WDR73: variants seen among roughly 807,000 people sequenced by gnomAD.
WDR73 encodes WD repeat domain 73, also known as integrator complex assembly factor WDR73.
In WDR73, 30 loss-of-function variants were observed where a neutral mutation model predicts 38.2. The ratio of observed to expected loss-of-function variants is 0.79; its 90% CI spans 0.59 to 1.06. The LOEUF (loss-of-function observed/expected upper bound fraction) is 1.06. Among genes scored for constraint, WDR73 ranks in the 50% least tolerant of loss-of-function variants. The probability of loss-of-function intolerance (pLI) is 0.00; values close to 1 mark genes in which losing one functional copy is unlikely to be tolerated. For synonymous variants in WDR73, 197 were observed against 176.0 expected (o/e 1.12, Z -0.94); for missense variants, 487 against 467.0 (o/e 1.04, Z -0.40).
Position 84,643,273 on chromosome 15 carries a change from C to CGCAA in WDR73, c.*193_*196dup. 3.2e-6 allele frequency: 2 copies of CGCAA among 631,938 alleles called. No individual in the cohort carries two copies. The highest frequency in any genetic ancestry group is 5.4e-6 in the Non-Finnish European group (2 of 370,690). The allele number at this position is 631,938 out of a possible 1,614,324, so 39.1% of individuals were successfully genotyped here. A position where few individuals can be genotyped will look rare whatever the true frequency, so the allele number is the denominator to read the frequency against. On this transcript the variant is annotated 3_prime_UTR_variant, in exon 8 of 8. Coordinates refer to ENST00000434634, the MANE Select transcript of WDR73 (RefSeq NM_032856.5). ...TATGCCATGCGTTTCTTCTAACCTT[C>CGCAA]GCAATATCACTACGAGGTAGTTCTT...
Position 84,643,023 on chromosome 15 carries a change from G to T in WDR73, c.*447C>A, listed in dbSNP as rs1380278345. 1 of 172,142 alleles carries T rather than the reference G, an allele frequency of 5.8e-6. No homozygotes were observed. Among genetic ancestry groups the T allele is most frequent in the East Asian group, 1.7e-4 (1 of 5,810 alleles). The allele number at this position is 172,142 out of a possible 1,614,324, so 10.7% of individuals were successfully genotyped here. On this transcript the variant is annotated 3_prime_UTR_variant, in exon 8 of 8. Coordinates refer to ENST00000434634, the MANE Select transcript of WDR73 (RefSeq NM_032856.5). ...GGAAAGTGCACCTGTGTTCCCATGAGACCCACTCAAGAGGAGCAGAAATCC... is the reference window on the plus strand; with the variant it reads ...GGAAAGTGCACCTGTGTTCCCATGATACCCACTCAAGAGGAGCAGAAATCC...
intron 3 of WDR73, among the ~76,000 whole-genome samples, chr15:84,651,315 A>G (rs1896616928): frequency 6.7e-6 from 1 of 150,244 alleles, no homozygotes; most frequent in Non-Finnish European, 1.5e-5. Flanking sequence ...AGTCCCAGCT[A>G]CTTGGGAGGC....
rs191354185 is a variant in WDR73, at chr15:84,640,208, G to T, written c.*3262C>A. On this transcript the variant is annotated 3_prime_UTR_variant, in exon 8 of 8. Coordinates refer to ENST00000434634, the MANE Select transcript of WDR73 (RefSeq NM_032856.5). ...CAATGGACCTCAGAGCAGTGGGAGC[G>T]ACGCAGTCCTGTGGGAAGCATTCAG... 4 of 152,306 alleles carry T rather than the reference G, an allele frequency of 2.6e-5. No homozygotes were observed. In the East Asian group the frequency reaches 7.7e-4, roughly 29 times the overall value. 9.4% of individuals were successfully genotyped at this position (152,306 alleles called of 1,614,324 possible).
At position 84,654,251 on chromosome 15, in the gene WDR73, C is replaced by A. The variant is rs780699604; in HGVS notation, c.24G>T (p.Leu8=). Residue 8 remains leucine, a synonymous_variant, in exon 1 of 8, where the codon CTG becomes CTT. Transcript: ENST00000434634. MDPGDDW[L]VESLRLYQDF... is the part of the protein sequence containing the mutation. ...CGATTTACAAGCGCAAGGATTCCAC[C>A]AGCCAGTCGTCCCCAGGATCCATGG... 1.9e-6 allele frequency: 3 copies of A among 1,613,962 alleles called. No individual in the cohort carries two copies. The highest frequency in any genetic ancestry group is 2.2e-5 in the South Asian group (2 of 91,088).
chr15:84,647,834 G>C (rs1020071678), intron 5 of WDR73, 56 bp downstream of exon 5: 3 of 1,529,364 alleles, frequency 2.0e-6, no homozygotes, highest in African/African-American at 1.4e-5. Context: ...GGGGACAGGG[G>C]TGTATGAGTC....
At chr15:84,646,092 CAG>C (rs769968705) in intron 6 of WDR73, 90 bp downstream of exon 6, 13 of 1,585,976 alleles carry the variant, frequency 8.2e-6, no homozygotes, top group East Asian at 2.3e-5. Context: ...ACACCTGGCA[CAG>C]AGAGTTGAAC....
In WDR73 at chr15:84,645,725, G is replaced by A. The variant is rs1383448241; in HGVS notation, c.629C>T (p.Ala210Val). 1 of 1,610,180 alleles carries A rather than the reference G, an allele frequency of 6.2e-7. No individual in the cohort carries two copies. Residue 210 changes from alanine to valine, a missense_variant, in exon 7 of 8, where the codon GCA becomes GTA. By Grantham distance (64) the Ala-to-Val change is moderately conservative. Transcript: ENST00000434634. The part of the protein sequence containing the change: ...LGLVDTRQKW[A>V]PLENRSPGPG... ...GCCAGGGCTGCGATTCTCCAACGGT[G>A]CCCACTTCTGCCGGGTGTCAACAAG...
chr15:84,654,058 A>C, intron 1 of WDR73, 176 bp downstream of exon 1: 1 of 800,226 alleles, frequency 1.2e-6, no homozygotes, highest in Non-Finnish European at 2.0e-6. Flanking sequence ...CGCAGGAAGG[A>C]GCCATTTCCT....
Position 84,645,536 on chromosome 15 carries a change from C to A in WDR73, c.818G>T (p.Ser273Ile). 2 of 1,612,084 alleles carry A rather than the reference C, an allele frequency of 1.2e-6. No homozygotes were observed. The highest frequency in any genetic ancestry group is 1.7e-6 in the Non-Finnish European group (2 of 1,179,048). The change falls in exon 7 of 8, where the codon AGC (serine) becomes ATC (isoleucine). Residue 273 changes from serine (S) to isoleucine (I), a missense_variant. Coordinates refer to ENST00000434634, the MANE Select transcript of WDR73 (RefSeq NM_032856.5). ...SSVQCPVSVP[S>I]PDPELLRVTW... is the part of the protein sequence containing the mutation. ...CACTCGCAGCAGCTCTGGGTCAGGG[C>A]TAGGTACGGATACTGGGCACTGGAC...
rs778722748 is a variant in WDR73 at position 84,653,623 on chromosome 15, G to GTA, written c.109+7_109+8dup. On this transcript the variant is annotated intron_variant, in intron 2 of 7. Coordinates refer to ENST00000434634, the MANE Select transcript of WDR73 (RefSeq NM_032856.5). The stretch of plus-strand genomic sequence containing the variant: ...TTCCCTCTCCTTCAGGGCTAGAAAG[G>GTA]TATACCACCTTTGTCATCAATCCAT... 1.6e-5 allele frequency: 25 copies of GTA among 1,581,296 alleles called. No homozygotes were observed. Among genetic ancestry groups the GTA allele is most frequent in the Non-Finnish European group, 2.1e-5 (24 of 1,162,190 alleles).
rs1567024738 is a variant in WDR73 at position 84,651,124 on chromosome 15, A to AT, written c.198+1589dup. Among the ~76,000 whole-genome samples the AT allele has an allele frequency of 4.0e-5, 6 of 150,892 alleles. No individual in the cohort carries two copies. In the South Asian group the frequency reaches 6.3e-4, roughly 16 times the overall value. ...AGTGAGACCTCAAAAAAAAAAAAAA[A>AT]TTTTTTTAAGAAGTTTGGGGCCAGG... On this transcript the variant is annotated intron_variant, in intron 3 of 7. Coordinates refer to ENST00000434634, the MANE Select transcript of WDR73 (RefSeq NM_032856.5).
chr15:84,647,451 T>G (rs1005457645), intron 5 of WDR73: 2 of 168,446 alleles, frequency 1.2e-5, no homozygotes, highest in African/African-American at 4.8e-5. Context: ...CTAATTCACC[T>G]TGTCTGCATT....
Position 84,653,678 on chromosome 15 carries a change from G to C in WDR73, c.63C>G (p.Phe21Leu), listed in dbSNP as rs777934950. The change falls in exon 2 of 8, where the codon TTC becomes TTG. Residue 21 changes from phenylalanine (F) to leucine (L), a missense_variant. By Grantham distance (22) the Phe-to-Leu change is conservative (BLOSUM62 0). Transcript: ENST00000434634. Reference protein sequence around the residue: ...SLRLYQDFYAFDLSGATRVLE... With the variant: ...SLRLYQDFYALDLSGATRVLE... Reference sequence around the variant, plus strand: ...GGACTCGAGTGGCTCCTGACAGGTCGAATGCATAGAAATCCTGGTACCTGC... The same window carrying C: ...GGACTCGAGTGGCTCCTGACAGGTCCAATGCATAGAAATCCTGGTACCTGC... The C allele has an allele frequency of 1.3e-6, 2 of 1,593,448 alleles. No homozygotes were observed. The highest frequency in any genetic ancestry group is 1.7e-6 in the Non-Finnish European group (2 of 1,169,680).
At chr15:84,650,741 C>T (rs1896597134) in intron 3 of WDR73, among the ~76,000 whole-genome samples, 1 of 152,146 alleles carries the variant, frequency 6.6e-6, no homozygotes, top group Non-Finnish European at 1.5e-5. Flanking sequence ...GTGATCTGCC[C>T]ACGTTGGTCT....
At chr15:84,643,964 C>G in intron 7 of WDR73, 1 of 411,164 alleles carries the variant, frequency 2.4e-6, no homozygotes, top group Non-Finnish European at 4.3e-6. Context: ...GATGAGGAAT[C>G]AAGGCACTTA....
Position 84,647,892 on chromosome 15 carries a change from C to G in WDR73, c.350G>C (p.Ser117Thr), listed in dbSNP as rs1299588990. The G allele has an allele frequency of 1.9e-6, 3 of 1,614,024 alleles. No individual in the cohort carries two copies. Among genetic ancestry groups the G allele is most frequent in the East Asian group, 2.2e-5 (1 of 44,888 alleles). ...CCCATCAAGTCAAATTCACTCACCA[C>G]TGTCCTCTGCAACCTGCCACACCTG... ...YLQVWQVAED[S>T]DVIKAVSTIA... Residue 117 changes from serine (S) to threonine (T), a missense_variant and splice_region_variant, in exon 5 of 8, where the codon AGT (serine) becomes ACT (threonine). Coordinates refer to ENST00000434634, the MANE Select transcript of WDR73 (RefSeq NM_032856.5).
chr15:84,652,684 G>T lies in WDR73; in HGVS notation c.198+30C>A. 2.4e-6 allele frequency: 3 copies of T among 1,262,496 alleles called. No homozygotes were observed. In the South Asian group the frequency reaches 4.3e-5, roughly 18 times the overall value. 78.2% of individuals were successfully genotyped at this position (1,262,496 alleles called of 1,614,324 possible). On this transcript the variant is annotated intron_variant, in intron 3 of 7. Transcript: ENST00000434634. The stretch of plus-strand genomic sequence containing the variant: ...AATGTTTAATAAATAAATAAAAGTT[G>T]ACATACTCAGCATTTATATTTTAAG...
In WDR73 at chr15:84,643,426, C is replaced by CA; in HGVS notation, c.*43dup. 1 of 1,542,506 alleles carries CA rather than the reference C, an allele frequency of 6.5e-7. No individual in the cohort carries two copies. The highest frequency in any genetic ancestry group is 8.8e-7 in the Non-Finnish European group (1 of 1,142,466). The stretch of plus-strand genomic sequence containing the variant: ...TACATGAGCACCCTTGCTACTACAG[C>CA]AGCTCCTCCCCTTTCTAGAGGCCTA... On this transcript the variant is annotated 3_prime_UTR_variant, in exon 8 of 8. Coordinates refer to ENST00000434634, the MANE Select transcript of WDR73 (RefSeq NM_032856.5).
At position 84,640,804 on chromosome 15, in the gene WDR73, C is replaced by T. The variant is rs1896235248; in HGVS notation, c.*2666G>A. 1.3e-5 allele frequency: 2 copies of T among 152,298 alleles called. No individual in the cohort carries two copies. Among genetic ancestry groups the T allele is most frequent in the East Asian group, 3.9e-4 (2 of 5,188 alleles). 9.4% of individuals were successfully genotyped at this position (152,298 alleles called of 1,614,324 possible). Reference sequence around the variant, plus strand: ...TCTGCCATTTAAAAGGTTTGTTGTTCTTGGGCAACCTCTTTAAATACCCTT... The same window carrying T: ...TCTGCCATTTAAAAGGTTTGTTGTTTTTGGGCAACCTCTTTAAATACCCTT... On this transcript the variant is annotated 3_prime_UTR_variant, in exon 8 of 8. Coordinates refer to ENST00000434634, the MANE Select transcript of WDR73 (RefSeq NM_032856.5).
Sources: allele counts gnomAD v4.1 joint callset (sites outside exome capture counted in the v4.1 genomes callset), GRCh38; gene constraint gnomAD v4.1.1; transcripts MANE v1.5; gene names NCBI Gene and HGNC (gene_info 2026-07-23, HGNC 2026-07-21).